The following ARHGEF28 variants were observed in gnomAD, a reference collection of about 807,000 sequenced individuals.
The protein encoded by ARHGEF28 is Rho guanine nucleotide exchange factor 28, also known as 190 kDa guanine nucleotide exchange factor.
ARHGEF28 carries 152 observed loss-of-function variants against 206.6 expected under a neutral mutation model. That is an observed-to-expected ratio of 0.74 (90% CI 0.64 to 0.84). The LOEUF (loss-of-function observed/expected upper bound fraction) is 0.84. Ranked by LOEUF, ARHGEF28 falls within the 40% of genes least tolerant of loss-of-function variation. ARHGEF28 has a pLI of 0.00. For synonymous variants in ARHGEF28, 763 were observed against 776.4 expected (o/e 0.98, Z 0.29); for missense variants, 2,028 against 2,073.2 (o/e 0.98, Z 0.42).
chr5:73,886,147 T>C (rs755619438), intron 25 of ARHGEF28, 43 bp downstream of exon 25: 6 of 1,559,846 alleles, frequency 3.8e-6, no homozygotes, highest in Non-Finnish European at 5.2e-6. Context: ...TCATACACAT[T>C]ATTCATTTAA....
At chr5:73,907,430 A>T (rs1762619868) in intron 33 of ARHGEF28, among the ~76,000 whole-genome samples, 1 of 152,230 alleles carries the variant, frequency 6.6e-6, no homozygotes, top group African/African-American at 2.4e-5. Context: ...AATTATTTTA[A>T]TCTGAGCTGG....
At chr5:73,724,543 C>G (rs189817704) in intron 2 of ARHGEF28, among the ~76,000 whole-genome samples, 2 of 152,240 alleles carry the variant, frequency 1.3e-5, no homozygotes, top group Admixed American at 1.3e-4. Context: ...CCCTGTGCTG[C>G]CCCTTTGTTG....
chr5:73,626,926 A>C (rs1743048529), intron 1 of ARHGEF28, among the ~76,000 whole-genome samples: 1 of 152,122 alleles, frequency 6.6e-6, no homozygotes, highest in African/African-American at 2.4e-5. Context: ...CCCCTTAAAT[A>C]CCCGGGGTGT....
chr5:73,754,600 TA>T (rs1752202042), intron 4 of ARHGEF28, among the ~76,000 whole-genome samples: 1 of 152,186 alleles, frequency 6.6e-6, no homozygotes, highest in Admixed American at 6.5e-5. Flanking sequence ...AAATACTTTT[TA>T]AAAATGAAGT....
Position 73,844,925 on chromosome 5 carries a change from C to T in ARHGEF28, c.1428-1343C>T, listed in dbSNP as rs1758223805. ...GGGTCAAATTCTTTCCTTTTAATTT[C>T]ATGGTTTATTAAAGTTAAATGAGGA... On this transcript the variant is annotated intron_variant, in intron 11 of 35. Transcript: ENST00000513042. Among the ~76,000 whole-genome samples the T allele has an allele frequency of 3.3e-5, 5 of 150,612 alleles. No individual in the cohort carries two copies. In the South Asian group the frequency reaches 1.0e-3, roughly 32 times the overall value.
At position 73,866,441 on chromosome 5, in the gene ARHGEF28, ATTC is replaced by A. The variant is rs979289388; in HGVS notation, c.2152+434_2152+436del. Among the ~76,000 whole-genome samples the A allele has an allele frequency of 1.0e-3, 152 of 152,372 alleles. 2 individuals are homozygous for A. Among genetic ancestry groups the A allele is most frequent in the African/African-American group, 3.3e-3 (138 of 41,602 alleles). On this transcript the variant is annotated intron_variant, in intron 18 of 35. Coordinates refer to ENST00000513042, the MANE Select transcript of ARHGEF28 (RefSeq NM_001177693.2). ...ATTTGTCTATACAGATACACACCAC[ATTC>A]TTCTTAAGAATCGCCATGTTTGATG... is the stretch of plus-strand genomic sequence containing the variant.
intron 1 of ARHGEF28, among the ~76,000 whole-genome samples, chr5:73,636,125 T>A (rs1743701137): frequency 6.6e-6 from 1 of 152,226 alleles, no homozygotes; most frequent in Admixed American, 6.5e-5. Flanking sequence ...AAAGGTCTTA[T>A]GTCCTTTGAT....
intron 1 of ARHGEF28, among the ~76,000 whole-genome samples, chr5:73,659,213 T>C (rs1188989544): frequency 1.3e-5 from 2 of 152,198 alleles, no homozygotes; most frequent in Non-Finnish European, 2.9e-5. Flanking sequence ...ACTGAGTTAA[T>C]TAACTATCAC....
chr5:73,865,665 TC>T (rs1425920965), intron 17 of ARHGEF28, among the ~76,000 whole-genome samples: 2 of 152,190 alleles, frequency 1.3e-5, no homozygotes, highest in African/African-American at 4.8e-5. Flanking sequence ...ATAGGAACTT[TC>T]AGCCTGGGTC....
At chr5:73,764,839 A>T (rs1752808707) in intron 4 of ARHGEF28, among the ~76,000 whole-genome samples, 1 of 152,234 alleles carries the variant, frequency 6.6e-6, no homozygotes, top group Admixed American at 6.5e-5. Flanking sequence ...TTGTTTATCT[A>T]CATGCCAGAG....
At position 73,761,140 on chromosome 5, in the gene ARHGEF28, C is replaced by G. The variant is rs563227938; in HGVS notation, c.475+7938C>G. 6.6e-5 allele frequency among the ~76,000 whole-genome samples: 10 copies of G among 152,324 alleles called. No homozygotes were observed. In the East Asian group the frequency reaches 1.9e-3, roughly 29 times the overall value. Reference sequence around the variant, plus strand: ...AAGTCCCATTCCTGGCTTACCTCCTCTGGGGCTTTTCTCCCCTTAAAACGT... The same window carrying G: ...AAGTCCCATTCCTGGCTTACCTCCTGTGGGGCTTTTCTCCCCTTAAAACGT... On this transcript the variant is annotated intron_variant, in intron 4 of 35. Coordinates refer to ENST00000513042, the MANE Select transcript of ARHGEF28 (RefSeq NM_001177693.2).
intron 2 of ARHGEF28, among the ~76,000 whole-genome samples, chr5:73,696,995 A>G (rs1444921718): frequency 6.6e-6 from 1 of 152,228 alleles, no homozygotes; most frequent in Non-Finnish European, 1.5e-5. Context: ...AGGTGCTGTC[A>G]TCATAATCTT....
chr5:73,812,973 C>G (rs1342547817), intron 9 of ARHGEF28, among the ~76,000 whole-genome samples: 2 of 152,130 alleles, frequency 1.3e-5, no homozygotes, highest in Admixed American at 1.3e-4. Context: ...GTTCTTAGAT[C>G]CGAAAAGCTG....
At chr5:73,812,014 ATG>A (rs1483605510) in intron 9 of ARHGEF28, among the ~76,000 whole-genome samples, 2 of 150,970 alleles carry the variant, frequency 1.3e-5, no homozygotes, top group Admixed American at 6.6e-5. Context: ...AAAATAGAAA[ATG>A]TATCAGTATT....
chr5:73,816,983 T>A (rs1344618946), intron 9 of ARHGEF28, among the ~76,000 whole-genome samples: 6 of 152,208 alleles, frequency 3.9e-5, no homozygotes, highest in South Asian at 2.1e-4. Context: ...TTGTTTTTTT[T>A]AAATAGGAGA....
chr5:73,922,383 G>T (rs1337865924), intron 35 of ARHGEF28, among the ~76,000 whole-genome samples: 1 of 152,242 alleles, frequency 6.6e-6, no homozygotes, highest in East Asian at 1.9e-4. Flanking sequence ...GGAATACACT[G>T]ACATTTGCTA....
intron 35 of ARHGEF28, among the ~76,000 whole-genome samples, chr5:73,917,579 C>T (rs1763279701): frequency 6.6e-6 from 1 of 152,214 alleles, no homozygotes; most frequent in South Asian, 2.1e-4. Flanking sequence ...CCAGGGCCAT[C>T]CCGCCTCAGC....
intron 7 of ARHGEF28, among the ~76,000 whole-genome samples, chr5:73,782,168 G>A (rs920195609): frequency 6.6e-6 from 1 of 151,154 alleles, no homozygotes; most frequent in Non-Finnish European, 1.5e-5. Context: ...GCTGGGCACG[G>A]TGGCTCACAC....
intron 7 of ARHGEF28, among the ~76,000 whole-genome samples, chr5:73,783,372 GTGTGTGTGTGTGTA>G (rs776773476): frequency 8.4e-5 from 10 of 119,264 alleles, no homozygotes; most frequent in Admixed American, 1.8e-4. Context: ...GTGTGTGTGT[GTGTGTGTGTGTGTA>G]TGTGTGTGTG....
Sources: allele counts gnomAD v4.1 joint callset (sites outside exome capture counted in the v4.1 genomes callset), GRCh38; gene constraint gnomAD v4.1.1; transcripts MANE v1.5; gene names NCBI Gene and HGNC (gene_info 2026-07-23, HGNC 2026-07-21).